ETNK1: variants seen among roughly 807,000 people sequenced by gnomAD.
ETNK1 encodes the protein putative protein product of Nbla10396.
In ETNK1, 8 loss-of-function variants were observed where a neutral mutation model predicts 45.1. The observed-to-expected ratio is 0.18, with a 90% CI of 0.10 to 0.32. The LOEUF (loss-of-function observed/expected upper bound fraction) is 0.32, where lower values mean the gene tolerates loss of function less well. Among genes scored for constraint, ETNK1 ranks in the 10% least tolerant of loss-of-function variants. The pLI is 1.00. For missense variants in ETNK1, 302 were observed against 430.6 expected, an observed-to-expected ratio of 0.70 and a Z score of 2.64; for synonymous variants, 152 against 151.9, an observed-to-expected ratio of 1.00 and a Z score of -0.01.
At chr12:22,672,308 C>T (rs916227676) in intron 5 of ETNK1, among the ~76,000 whole-genome samples, 1 of 151,960 alleles carries the variant, frequency 6.6e-6, no homozygotes, top group Non-Finnish European at 1.5e-5. Flanking sequence ...AAGATTAGAA[C>T]ATACCCCAGA....
intron 1 of ETNK1, among the ~76,000 whole-genome samples, chr12:22,631,688 G>A (rs1194227925): frequency 6.6e-6 from 1 of 152,134 alleles, no homozygotes; most frequent in Non-Finnish European, 1.5e-5. Flanking sequence ...TCACATTTCA[G>A]AAAATAAATG....
intron 3 of ETNK1, among the ~76,000 whole-genome samples, chr12:22,659,400 A>G (rs1286062738): frequency 6.6e-6 from 1 of 152,188 alleles, no homozygotes; most frequent in African/African-American, 2.4e-5. Flanking sequence ...AAGTAGGGGA[A>G]CACCACTTAA....
chr12:22,658,273 G>C (rs1220398825), intron 2 of ETNK1, among the ~76,000 whole-genome samples: 3 of 152,088 alleles, frequency 2.0e-5, no homozygotes, highest in Non-Finnish European at 4.4e-5. Context: ...CTCCAGCCTA[G>C]GAGGTACCTA....
intron 6 of ETNK1, among the ~76,000 whole-genome samples, chr12:22,675,441 A>C (rs1954150644): frequency 6.6e-6 from 1 of 151,486 alleles, no homozygotes; most frequent in South Asian, 2.1e-4. Context: ...CTGCAGCCTC[A>C]AACTCCTGAG....
At chr12:22,666,381 A>G (rs1954054092) in intron 4 of ETNK1, among the ~76,000 whole-genome samples, 1 of 152,214 alleles carries the variant, frequency 6.6e-6, no homozygotes, top group Non-Finnish European at 1.5e-5. Context: ...CTTTTAAATC[A>G]ATCATTAATT....
chr12:22,653,876 A>G (rs972786424), intron 2 of ETNK1, among the ~76,000 whole-genome samples: 7 of 152,172 alleles, frequency 4.6e-5, no homozygotes, highest in Non-Finnish European at 1.0e-4. Context: ...CTAGTTTTTA[A>G]GTATATAGGT....
intron 6 of ETNK1, among the ~76,000 whole-genome samples, chr12:22,680,796 T>A (rs1954206488): frequency 6.6e-6 from 1 of 151,972 alleles, no homozygotes; most frequent in Non-Finnish European, 1.5e-5. Context: ...CACTTGTCAT[T>A]GATTGTTTAA....
chr12:22,632,078 A>ATTT (rs34533040), intron 1 of ETNK1, among the ~76,000 whole-genome samples: 2 of 148,586 alleles, frequency 1.3e-5, no homozygotes, highest in African/African-American at 4.9e-5. Flanking sequence ...TTAATAGCAG[A>ATTT]TTTTTTTTTT....
Position 22,644,024 on chromosome 12 carries a change from TAC to T in ETNK1, c.416+4_416+5del, listed in dbSNP as rs757049817. ...TGTCTGCAACCCAGCCATTTTCAGG[TAC>T]ATTTTCTTTTCTGAATTTTTCCTTT... On this transcript the variant is annotated splice_donor_region_variant and intron_variant, in intron 2 of 7. Coordinates refer to ENST00000266517, the MANE Select transcript of ETNK1 (RefSeq NM_018638.5). 6.4e-7 allele frequency: 1 copy of T among 1,571,052 alleles called. No individual in the cohort carries two copies. Among genetic ancestry groups the T allele is most frequent in the Admixed American group, 1.9e-5 (1 of 53,342 alleles).
At chr12:22,665,044 TCTAA>T (rs1219958875) in intron 4 of ETNK1, among the ~76,000 whole-genome samples, 1 of 152,170 alleles carries the variant, frequency 6.6e-6, no homozygotes, top group East Asian at 1.9e-4. Flanking sequence ...CTAGAAAATC[TCTAA>T]CTCTTAAAAG....
intron 4 of ETNK1, among the ~76,000 whole-genome samples, chr12:22,661,808 T>C (rs1954002174): frequency 6.6e-6 from 1 of 152,142 alleles, no homozygotes; most frequent in Non-Finnish European, 1.5e-5. Context: ...TGAGGTAGAC[T>C]GATACTTTTT....
At chr12:22,658,966 C>T in intron 2 of ETNK1, 48 bp from the exon 3 acceptor site, 1 of 1,580,058 alleles carries the variant, frequency 6.3e-7, no homozygotes. Context: ...GAGACATGAC[C>T]TTTATGATAC....
Position 22,673,514 on chromosome 12 carries a change from G to T in ETNK1, c.799G>T (p.Asp267Tyr). Residue 267 changes from aspartate (D) to tyrosine (Y), a missense_variant, in exon 6 of 8, where the codon GAC (aspartate) becomes TAC (tyrosine). Asp to Tyr is a radical substitution (Grantham distance 160). Around this residue, in one of 3 missense-constraint regions of ETNK1, gnomAD observed 94 missense variants for 152.9 expected, o/e 0.61. Coordinates refer to ENST00000266517, the MANE Select transcript of ETNK1 (RefSeq NM_018638.5). ...TTCTTCTAAAGGTGTGAGTGATGTA[G>T]ACTATAGTCTGTATCCAGATAGAGA... is the stretch of plus-strand genomic sequence containing the variant. ...FNEFAGVSDV[D>Y]YSLYPDRELQ... 6.2e-7 allele frequency: 1 copy of T among 1,611,420 alleles called. No individual in the cohort carries two copies. Among genetic ancestry groups the T allele is most frequent in the Non-Finnish European group, 8.5e-7 (1 of 1,178,584 alleles).
chr12:22,657,328 A>T (rs1342363562), intron 2 of ETNK1, among the ~76,000 whole-genome samples: 1 of 152,196 alleles, frequency 6.6e-6, no homozygotes, highest in Non-Finnish European at 1.5e-5. Flanking sequence ...TTAATGTATT[A>T]GATTAAAGAT....
intron 2 of ETNK1, chr12:22,656,385 G>A (rs1953941055): frequency 1.0e-6 from 1 of 984,830 alleles, no homozygotes; most frequent in African/African-American, 1.7e-5. Context: ...TGATGTGCAG[G>A]GCCTCCTTGT....
rs1954271213 is a variant in ETNK1, at chr12:22,687,544, C to CT, written c.*2596dup. The CT allele has an allele frequency of 6.6e-6, 1 of 151,902 alleles. No individual in the cohort carries two copies. The highest frequency in any genetic ancestry group is 1.5e-5 in the Non-Finnish European group (1 of 67,634). 9.4% of individuals were successfully genotyped at this position (151,902 alleles called of 1,614,324 possible). On this transcript the variant is annotated 3_prime_UTR_variant, in exon 8 of 8. Transcript: ENST00000266517. ...AAGCCAAATTCCGCAATTTTTTTTCCTTTTTTCCCCTTCATACTTGTATGA... is the reference window on the plus strand; with the variant it reads ...AAGCCAAATTCCGCAATTTTTTTTCCTTTTTTTCCCCTTCATACTTGTATGA...
Position 22,689,355 on chromosome 12 carries a change from T to C in ETNK1, c.*4401T>C, listed in dbSNP as rs1258627766. 6.6e-6 allele frequency: 1 copy of C among 152,006 alleles called. No individual in the cohort carries two copies. Among genetic ancestry groups the C allele is most frequent in the Non-Finnish European group, 1.5e-5 (1 of 67,858 alleles). 9.4% of individuals were successfully genotyped at this position (152,006 alleles called of 1,614,324 possible). On this transcript the variant is annotated 3_prime_UTR_variant, in exon 8 of 8. Coordinates refer to ENST00000266517, the MANE Select transcript of ETNK1 (RefSeq NM_018638.5). ...TCTATACTTTATGCACTTACTATAC[T>C]ACTGATGTAATAAAAGAGCAGGGTT...
At chr12:22,635,232 G>A (rs1445775417) in intron 1 of ETNK1, among the ~76,000 whole-genome samples, 2 of 152,134 alleles carry the variant, frequency 1.3e-5, no homozygotes, top group Admixed American at 6.6e-5. Flanking sequence ...CCTTTGCTCT[G>A]CTTCAGTATG....
chr12:22,684,984 GA>G lies in ETNK1; in HGVS notation c.*31del. 6.8e-7 allele frequency: 1 copy of G among 1,462,412 alleles called. No homozygotes were observed. The highest frequency in any genetic ancestry group is 9.4e-7 in the Non-Finnish European group (1 of 1,068,786). 90.6% of individuals were successfully genotyped at this position (1,462,412 alleles called of 1,614,324 possible). On this transcript the variant is annotated 3_prime_UTR_variant, in exon 8 of 8. Coordinates refer to ENST00000266517, the MANE Select transcript of ETNK1 (RefSeq NM_018638.5). ...GAGATTTAATTATTCTCCAGTAGCT[GA>G]GCAATGCTTGTGAATCTTTTCTTAA...
Sources: allele counts gnomAD v4.1 joint callset (sites outside exome capture counted in the v4.1 genomes callset), GRCh38; gene constraint gnomAD v4.1.1; regional missense constraint gnomAD v4.1.1; transcripts MANE v1.5; gene names NCBI Gene and HGNC (gene_info 2026-07-23, HGNC 2026-07-21).